The following SPOCK1 variants were observed in gnomAD, a reference collection of about 807,000 sequenced individuals.
SPOCK1 encodes SPARC (osteonectin), cwcv and kazal like domains proteoglycan 1, also known as testican-1.
SPOCK1 carries 23 observed loss-of-function variants against 55.3 expected under a neutral mutation model. That is an observed-to-expected ratio of 0.42 (90% CI 0.30 to 0.59). SPOCK1 has a LOEUF of 0.59. SPOCK1 is among the 20% of genes least tolerant of loss of function. SPOCK1 has a pLI of 0.22. For synonymous variants in SPOCK1, 226 were observed against 221.0 expected (o/e 1.02, Z -0.20); for missense variants, 499 against 552.5 (o/e 0.90, Z 0.97).
At chr5:137,357,156 A>G (rs1462261350) in intron 2 of SPOCK1, among the ~76,000 whole-genome samples, 1 of 152,040 alleles carries the variant, frequency 6.6e-6, no homozygotes, top group African/African-American at 2.4e-5. Context: ...AGAGCTTACA[A>G]CAGAATCCAA....
chr5:137,058,405 C>T (rs1440373395), intron 6 of SPOCK1, among the ~76,000 whole-genome samples: 2 of 152,158 alleles, frequency 1.3e-5, no homozygotes, highest in African/African-American at 4.8e-5. Context: ...AAGTGCTTAG[C>T]ACAATTCACA....
intron 6 of SPOCK1, among the ~76,000 whole-genome samples, chr5:137,027,703 G>T (rs146810135): frequency 7.9e-4 from 120 of 152,232 alleles, no homozygotes; most frequent in African/African-American, 2.9e-3. Flanking sequence ...GCATGGGGAG[G>T]CTTCTTCCAT....
chr5:137,263,253 GT>G (rs1756783637), intron 3 of SPOCK1, among the ~76,000 whole-genome samples: 1 of 152,314 alleles, frequency 6.6e-6, no homozygotes, highest in Middle Eastern at 3.4e-3. Flanking sequence ...ACGCCTCAGA[GT>G]TTTTTAAGTT....
intron 2 of SPOCK1, among the ~76,000 whole-genome samples, chr5:137,426,002 A>G (rs903551450): frequency 2.4e-4 from 36 of 151,222 alleles, no homozygotes; most frequent in Admixed American, 3.3e-4. Flanking sequence ...GAAGTACACC[A>G]ACTCATTCTA....
intron 2 of SPOCK1, among the ~76,000 whole-genome samples, chr5:137,447,901 A>G (rs977747961): frequency 2.0e-5 from 3 of 152,188 alleles, no homozygotes; most frequent in African/African-American, 4.8e-5. Flanking sequence ...CTGGCTTTCC[A>G]TAATATTACC....
At chr5:137,154,792 G>A (rs575160234) in intron 3 of SPOCK1, among the ~76,000 whole-genome samples, 1 of 152,264 alleles carries the variant, frequency 6.6e-6, no homozygotes, top group East Asian at 1.9e-4. Context: ...AGCTAAAGGC[G>A]AACAATCTGC....
intron 3 of SPOCK1, among the ~76,000 whole-genome samples, chr5:137,202,491 G>T (rs1755445089): frequency 1.3e-5 from 2 of 152,186 alleles, no homozygotes; most frequent in South Asian, 2.1e-4. Context: ...TCCTGATATA[G>T]TTGTATGCAG....
chr5:137,353,984 C>T (rs1020071388), intron 2 of SPOCK1, among the ~76,000 whole-genome samples: 1 of 152,186 alleles, frequency 6.6e-6, no homozygotes. Context: ...AGCTTAATTT[C>T]CTGATGTCTG....
chr5:137,385,753 A>G (rs1294431703), intron 2 of SPOCK1, among the ~76,000 whole-genome samples: 2 of 152,132 alleles, frequency 1.3e-5, no homozygotes, highest in South Asian at 4.1e-4. Flanking sequence ...CAACCCATTC[A>G]TCCATTCTAC....
chr5:136,981,995 G>T lies in SPOCK1; in HGVS notation c.992-2526C>A, dbSNP rs540355088. Among the ~76,000 whole-genome samples, 3 of 152,254 alleles carry T rather than the reference G, an allele frequency of 2.0e-5. No individual in the cohort carries two copies. In the East Asian group the frequency reaches 5.8e-4, roughly 29 times the overall value. On this transcript the variant is annotated intron_variant, in intron 9 of 10. Coordinates refer to ENST00000394945, the MANE Select transcript of SPOCK1 (RefSeq NM_004598.4). ...TTTTCACTAGCCTTTTCTATGTTTA[G>T]ATATAAAAATAATTCCCATTGTGTT...
chr5:137,379,402 C>T (rs1017374536), intron 2 of SPOCK1, among the ~76,000 whole-genome samples: 5 of 151,566 alleles, frequency 3.3e-5, no homozygotes, highest in Non-Finnish European at 7.4e-5. Context: ...TTATTTTTAC[C>T]GAAAAGAAAA....
chr5:137,349,211 T>G (rs1750625865), intron 2 of SPOCK1, among the ~76,000 whole-genome samples: 1 of 152,220 alleles, frequency 6.6e-6, no homozygotes, highest in Admixed American at 6.5e-5. Context: ...AAACCTCAAG[T>G]ACAGAGGGAT....
intron 2 of SPOCK1, among the ~76,000 whole-genome samples, chr5:137,369,783 G>A (rs11739872): frequency 0.13 from 19,443 of 152,122 alleles, 1,560 homozygotes; most frequent in East Asian, 0.27. Flanking sequence ...TCATATGGCC[G>A]AGAGAGAGAG....
intron 2 of SPOCK1, among the ~76,000 whole-genome samples, chr5:137,377,840 C>A (rs1230894804): frequency 6.6e-6 from 1 of 151,348 alleles, no homozygotes; most frequent in Admixed American, 6.6e-5. Flanking sequence ...AATGGAATTT[C>A]TTGTCCTAAA....
intron 2 of SPOCK1, among the ~76,000 whole-genome samples, chr5:137,276,487 C>T (rs1757070632): frequency 6.6e-6 from 1 of 152,252 alleles, no homozygotes; most frequent in Non-Finnish European, 1.5e-5. Flanking sequence ...ACACAGACGG[C>T]AGTCCCTAGG....
intron 3 of SPOCK1, among the ~76,000 whole-genome samples, chr5:137,207,561 G>C (rs994648515): frequency 2.6e-5 from 4 of 152,174 alleles, no homozygotes; most frequent in Admixed American, 2.6e-4. Context: ...CTGCCAGTGT[G>C]AGATGGTAAA....
In SPOCK1 at chr5:136,977,523, C is replaced by A. The variant is rs1241915220; in HGVS notation, c.*1131G>T. 6.2e-6 allele frequency: 2 copies of A among 325,012 alleles called. No individual in the cohort carries two copies. Among genetic ancestry groups the A allele is most frequent in the Non-Finnish European group, 1.1e-5 (2 of 180,430 alleles). 20.1% of individuals were successfully genotyped at this position (325,012 alleles called of 1,614,324 possible). On this transcript the variant is annotated 3_prime_UTR_variant, in exon 11 of 11. Coordinates refer to ENST00000394945, the MANE Select transcript of SPOCK1 (RefSeq NM_004598.4). ...TGAGTTCAGAATTAGAAATTTTCTT[C>A]TTTTAAGGAACACCATGGTACTCTC...
intron 2 of SPOCK1, among the ~76,000 whole-genome samples, chr5:137,323,436 C>T (rs770695819): frequency 1.3e-5 from 2 of 151,882 alleles, no homozygotes; most frequent in Admixed American, 6.6e-5. Context: ...AAGAACATCA[C>T]ATATTGATAA....
chr5:137,354,257 A>C (rs1260478411), intron 2 of SPOCK1, among the ~76,000 whole-genome samples: 2 of 151,992 alleles, frequency 1.3e-5, no homozygotes, highest in Admixed American at 1.3e-4. Flanking sequence ...GCATTCCTAT[A>C]CTTACATCCT....
Sources: allele counts gnomAD v4.1 joint callset (sites outside exome capture counted in the v4.1 genomes callset), GRCh38; gene constraint gnomAD v4.1.1; transcripts MANE v1.5; gene names NCBI Gene and HGNC (gene_info 2026-07-23, HGNC 2026-07-21).